Variants in CEP135 observed in about 807,000 individuals in gnomAD.
CEP135 encodes centrosomal protein 135.
A neutral mutation model predicts 157.3 loss-of-function variants in CEP135; 142 were observed. The observed-to-expected ratio is 0.90, with a 90% CI of 0.79 to 1.04. The LOEUF (loss-of-function observed/expected upper bound fraction) is 1.04. Ranked by LOEUF, CEP135 falls within the 50% of genes least tolerant of loss-of-function variation. CEP135 has a pLI of 0.00. For missense variants in CEP135, 1,317 were observed against 1,309.2 expected, an observed-to-expected ratio of 1.01 and a Z score of -0.09; for synonymous variants, 396 against 439.8, an observed-to-expected ratio of 0.90 and a Z score of 1.25.
At position 56,008,326 on chromosome 4, in the gene CEP135, G is replaced by C; in HGVS notation, c.2281-1G>C. Reference sequence around the variant, plus strand: ...CTTACACATTTTTGTAATTTCTATAGGAAAAAGCTGTTGCTCAAATGAAGA... The same window carrying C: ...CTTACACATTTTTGTAATTTCTATACGAAAAAGCTGTTGCTCAAATGAAGA... On this transcript the variant is annotated splice_acceptor_variant, in intron 17 of 25. Coordinates refer to ENST00000257287, the MANE Select transcript of CEP135 (RefSeq NM_025009.5). LOFTEE classifies it high-confidence loss of function. The C allele has an allele frequency of 6.2e-7, 1 of 1,606,314 alleles. No homozygotes were observed. Among genetic ancestry groups the C allele is most frequent in the Non-Finnish European group, 8.5e-7 (1 of 1,176,028 alleles).
chr4:56,010,235 C>A (rs539759841), intron 19 of CEP135, among the ~76,000 whole-genome samples: 6 of 146,008 alleles, frequency 4.1e-5, no homozygotes, highest in African/African-American at 1.5e-4. Flanking sequence ...TGGCGGCATG[C>A]GCCTGTAATC....
rs146219986 is a variant in CEP135 at position 55,998,211 on chromosome 4, A to G, written c.2010-1091A>G. The stretch of plus-strand genomic sequence containing the variant: ...TGTCTTATTCCTCAAAAGGAAGCCT[A>G]AAAGGAATCCATGGAAATTCCTAAT... On this transcript the variant is annotated intron_variant, in intron 15 of 25. Coordinates refer to ENST00000257287, the MANE Select transcript of CEP135 (RefSeq NM_025009.5). Among the ~76,000 whole-genome samples the G allele has an allele frequency of 7.7e-4, 117 of 152,322 alleles. 1 individual carries two copies. Among genetic ancestry groups the G allele is most frequent in the African/African-American group, 2.7e-3 (113 of 41,574 alleles).
At chr4:55,975,840 A>G (rs1427013659) in intron 11 of CEP135, among the ~76,000 whole-genome samples, 1 of 152,200 alleles carries the variant, frequency 6.6e-6, no homozygotes, top group African/African-American at 2.4e-5. Context: ...TTTCCTGAAG[A>G]TCTTGTGTCC....
chr4:55,972,771 C>T (rs1268453528), intron 10 of CEP135, among the ~76,000 whole-genome samples: 4 of 152,186 alleles, frequency 2.6e-5, no homozygotes, highest in Non-Finnish European at 5.9e-5. Context: ...GTGGCTCACG[C>T]CTGTAATCCC....
At chr4:55,992,311 T>C (rs2109702683) in intron 15 of CEP135, among the ~76,000 whole-genome samples, 1 of 152,306 alleles carries the variant, frequency 6.6e-6, no homozygotes, top group Non-Finnish European at 1.5e-5. Context: ...GTATCTGTGT[T>C]TTTTAAAAGA....
At chr4:56,024,874 C>CA (rs1731102555) in intron 25 of CEP135, among the ~76,000 whole-genome samples, 1 of 151,004 alleles carries the variant, frequency 6.6e-6, no homozygotes, top group South Asian at 2.1e-4. Flanking sequence ...CAGTGGCCCA[C>CA]ACCTGTTATT....
rs761998270 is a variant in CEP135 at position 56,017,626 on chromosome 4, TTGTTTC to T, written c.2803-20_2803-15del. The T allele has an allele frequency of 6.4e-7, 1 of 1,551,348 alleles. No homozygotes were observed. The highest frequency in any genetic ancestry group is 1.2e-5 in the South Asian group (1 of 81,798). On this transcript the variant is annotated splice_polypyrimidine_tract_variant and intron_variant, in intron 21 of 25. Coordinates refer to ENST00000257287, the MANE Select transcript of CEP135 (RefSeq NM_025009.5). Reference sequence around the variant, plus strand: ...TTATTGGGTTATTTTAACTTTTTACTTGTTTCTTTTTCTTTTTTCAGCACATAAATG... The same window carrying T: ...TTATTGGGTTATTTTAACTTTTTACTTTTTTCTTTTTTCAGCACATAAATG...
rs138876054 is a variant in CEP135, at chr4:55,967,950, A to G, written c.1045-1113A>G. ...AGAGCAGTTAGGCAAGAAAAGGCAT[A>G]CAAATTGCAAAGAAAGAATAAAATT... On this transcript the variant is annotated intron_variant, in intron 8 of 25. Transcript: ENST00000257287. 7.2e-5 allele frequency among the ~76,000 whole-genome samples: 11 copies of G among 152,340 alleles called. No individual in the cohort carries two copies. The East Asian group carries it at 2.1e-3, about 29-fold the overall frequency.
rs370433264 is a variant in CEP135, at chr4:55,965,825, T to C, written c.1010T>C (p.Leu337Pro). ...TTGGAAAGACATAAAGAAGAAGTGC[T>C]TGAGACTGCTGATAAAGAGCTTGGG... ...QQLERHKEEV[L>P]ETADKELGEA... The change falls in exon 8 of 26, where the codon CTT becomes CCT. Residue 337 changes from leucine (L) to proline (P), a missense_variant. Coordinates refer to ENST00000257287, the MANE Select transcript of CEP135 (RefSeq NM_025009.5). 1.2e-5 allele frequency: 19 copies of C among 1,613,458 alleles called. No individual in the cohort carries two copies. The highest frequency in any genetic ancestry group is 1.6e-5 in the Non-Finnish European group (19 of 1,179,690).
At chr4:55,963,189 C>T (rs1013096337) in intron 6 of CEP135, among the ~76,000 whole-genome samples, 4 of 152,204 alleles carry the variant, frequency 2.6e-5, no homozygotes. Flanking sequence ...TCCTCTACCA[C>T]TGTTTTATTT....
intron 3 of CEP135, 33 bp downstream of exon 3, chr4:55,953,308 ATG>A: frequency 7.2e-7 from 1 of 1,397,010 alleles, no homozygotes. Flanking sequence ...TTAAAATGCA[ATG>A]TCTTTGTCCT....
At chr4:56,012,044 ATACT>A in intron 21 of CEP135, 59 bp downstream of exon 21, 4 of 1,014,810 alleles carry the variant, frequency 3.9e-6, no homozygotes, top group South Asian at 2.9e-5. Flanking sequence ...ACATTCAAAG[ATACT>A]TTATTTATTT....
chr4:56,011,385 G>C (rs780838249), intron 19 of CEP135, 27 bp from the exon 20 acceptor site: 1 of 1,432,178 alleles, frequency 7.0e-7, no homozygotes, highest in East Asian at 2.3e-5. Flanking sequence ...GTTCATTTTA[G>C]ATTGTCTTTA....
rs112171805 is a variant in CEP135, at chr4:56,012,067, A to T, written c.2802+82A>T. 3.5e-3 allele frequency: 3,237 copies of T among 927,074 alleles called. 15 individuals are homozygous for T. Among genetic ancestry groups the T allele is most frequent in the African/African-American group, 0.024 (1,383 of 57,516 alleles). The allele number at this position is 927,074 out of a possible 1,614,324, so 57.4% of individuals were successfully genotyped here. A position where few individuals can be genotyped will look rare whatever the true frequency, so the allele number is the denominator to read the frequency against. On this transcript the variant is annotated intron_variant, in intron 21 of 25. Coordinates refer to ENST00000257287, the MANE Select transcript of CEP135 (RefSeq NM_025009.5). ...AGATACTTTATTTATTTATTTATTT[A>T]TTTTTTTTGAGATGAAGTCTGACTC... is the stretch of plus-strand genomic sequence containing the variant.
rs759310302 is a variant in CEP135, at chr4:55,964,261, A to G, written c.700-13A>G. Reference sequence around the variant, plus strand: ...CCAGATTTTTTAAAATGACAGCATGACTATATCTTCAGATTGAGCTAAGAG... The same window carrying G: ...CCAGATTTTTTAAAATGACAGCATGGCTATATCTTCAGATTGAGCTAAGAG... On this transcript the variant is annotated splice_polypyrimidine_tract_variant and intron_variant, in intron 6 of 25. Transcript: ENST00000257287. 36 of 1,597,036 alleles carry G rather than the reference A, an allele frequency of 2.3e-5. No individual in the cohort carries two copies. Among genetic ancestry groups the G allele is most frequent in the Admixed American group, 3.6e-5 (2 of 55,382 alleles).
At chr4:55,953,443 A>G (rs1016220220) in intron 3 of CEP135, among the ~76,000 whole-genome samples, 168 bp downstream of exon 3, 1 of 152,072 alleles carries the variant, frequency 6.6e-6, no homozygotes, top group Non-Finnish European at 1.5e-5. Flanking sequence ...AGGTGGGAGG[A>G]TTGCTTGAGC....
At chr4:55,994,976 C>T (rs1299767789) in intron 15 of CEP135, among the ~76,000 whole-genome samples, 2 of 152,110 alleles carry the variant, frequency 1.3e-5, no homozygotes, top group East Asian at 1.9e-4. Context: ...GTGAGCCACA[C>T]GCCTGACCTA....
At chr4:56,004,406 A>G (rs1394149938) in intron 17 of CEP135, among the ~76,000 whole-genome samples, 1 of 152,208 alleles carries the variant, frequency 6.6e-6, no homozygotes, top group Non-Finnish European at 1.5e-5. Context: ...ATGTTCTGTA[A>G]ATGTCAGTTG....
At chr4:55,973,990 A>G (rs1729110244) in intron 10 of CEP135, among the ~76,000 whole-genome samples, 1 of 152,232 alleles carries the variant, frequency 6.6e-6, no homozygotes, top group Non-Finnish European at 1.5e-5. Context: ...TCTTGGGACA[A>G]ATTTGCCAGT....
Sources: allele counts gnomAD v4.1 joint callset (sites outside exome capture counted in the v4.1 genomes callset), GRCh38; gene constraint gnomAD v4.1.1; transcripts MANE v1.5; gene names NCBI Gene and HGNC (gene_info 2026-07-23, HGNC 2026-07-21).